The following PCLO variants were observed in gnomAD, a reference collection of about 807,000 sequenced individuals.
PCLO encodes the protein protein piccolo.
A neutral mutation model predicts 427.5 loss-of-function variants in PCLO; 82 were observed. The observed-to-expected ratio is 0.19, with a 90% CI of 0.16 to 0.23. The LOEUF is 0.23. Ranked by LOEUF, PCLO falls within the 10% of genes least tolerant of loss-of-function variation. The pLI, the probability that PCLO is intolerant of heterozygous loss-of-function variation, is 1.00. For missense variants in PCLO, 6,239 were observed against 6,115.9 expected, an observed-to-expected ratio of 1.02 and a Z score of -0.67; for synonymous variants, 2,357 against 2,155.4, an observed-to-expected ratio of 1.09 and a Z score of -2.59.
intron 9 of PCLO, among the ~76,000 whole-genome samples, chr7:82,893,819 GTTA>G (rs1368093569): frequency 6.6e-6 from 1 of 151,894 alleles, no homozygotes; most frequent in Non-Finnish European, 1.5e-5. Flanking sequence ...ATTTAGAATT[GTTA>G]TTATGTTCTC....
intron 3 of PCLO, among the ~76,000 whole-genome samples, chr7:83,075,927 G>A (rs1009576142): frequency 2.6e-5 from 4 of 151,950 alleles, no homozygotes; most frequent in African/African-American, 9.7e-5. Context: ...TGTAAGCAAA[G>A]AGTGTTAAAG....
rs116956712 is a variant in PCLO, at chr7:83,152,920, A to G, written c.1893+1828T>C. On this transcript the variant is annotated intron_variant, in intron 2 of 24. Coordinates refer to ENST00000333891, the MANE Select transcript of PCLO (RefSeq NM_033026.6). ...TATATCTCACCAAACATATAACAGA[A>G]TATCTTCCACATAGTAGGTATTCAA... is the stretch of plus-strand genomic sequence containing the variant. Among the ~76,000 whole-genome samples the G allele has an allele frequency of 7.6e-3, 1,150 of 152,296 alleles. 17 individuals are homozygous for G. The highest frequency in any genetic ancestry group is 7.4e-3 in the Non-Finnish European group (503 of 68,022).
intron 3 of PCLO, among the ~76,000 whole-genome samples, chr7:83,125,378 A>C (rs1022173366): frequency 1.7e-4 from 26 of 152,252 alleles, no homozygotes; most frequent in African/African-American, 5.5e-4. Flanking sequence ...CCACCACCCC[A>C]TCTGGGAGGT....
intron 22 of PCLO, among the ~76,000 whole-genome samples, chr7:82,787,276 A>G (rs1305089925): frequency 6.6e-6 from 1 of 151,826 alleles, no homozygotes; most frequent in Non-Finnish European, 1.5e-5. Context: ...AATGATAGCC[A>G]TTCTAACTGG....
chr7:83,129,759 T>G (rs536196670), intron 3 of PCLO, among the ~76,000 whole-genome samples: 1 of 152,184 alleles, frequency 6.6e-6, no homozygotes, highest in Non-Finnish European at 1.5e-5. Context: ...AATGTTACTT[T>G]GGGTGTTTAA....
At chr7:82,891,912 TA>T (rs2116124864) in intron 9 of PCLO, among the ~76,000 whole-genome samples, 1 of 152,090 alleles carries the variant, frequency 6.6e-6, no homozygotes, top group Non-Finnish European at 1.5e-5. Context: ...CTCAATGAAA[TA>T]AAAGAGGATA....
chr7:83,106,762 C>T (rs1286296309), intron 3 of PCLO, among the ~76,000 whole-genome samples: 1 of 151,984 alleles, frequency 6.6e-6, no homozygotes, highest in Admixed American at 6.6e-5. Flanking sequence ...TCAACATTCC[C>T]AGAAGTATGT....
intron 9 of PCLO, among the ~76,000 whole-genome samples, chr7:82,895,879 A>C (rs2116152770): frequency 6.6e-6 from 1 of 152,090 alleles, no homozygotes; most frequent in Admixed American, 6.6e-5. Context: ...TCTACCAAAT[A>C]TTCAAAAAAT....
chr7:82,858,559 A>G (rs1792867130), intron 10 of PCLO, among the ~76,000 whole-genome samples: 1 of 152,112 alleles, frequency 6.6e-6, no homozygotes, highest in African/African-American at 2.4e-5. Context: ...AACAGTCAAG[A>G]CTCCACCAAA....
intron 19 of PCLO, 74 bp from the exon 20 acceptor site, chr7:82,822,763 T>C (rs920970305): frequency 1.1e-5 from 14 of 1,249,428 alleles, no homozygotes; most frequent in Admixed American, 1.7e-5. Flanking sequence ...TTACACATAA[T>C]TTGAAACTGC....
rs571730778 is a variant in PCLO, at chr7:82,882,571, C to T, written c.13529-3109G>A. On this transcript the variant is annotated intron_variant, in intron 9 of 24. Transcript: ENST00000333891. Reference sequence around the variant, plus strand: ...AGAAAGTCATAAGTTATGGTAATTTCACAATACATAAGCATATCTGTGGTT... The same window carrying T: ...AGAAAGTCATAAGTTATGGTAATTTTACAATACATAAGCATATCTGTGGTT... Among the ~76,000 whole-genome samples, 6 of 152,154 alleles carry T rather than the reference C, an allele frequency of 3.9e-5. No individual in the cohort carries two copies. In the South Asian group the frequency reaches 1.2e-3, roughly 32 times the overall value.
rs114848941 is a variant in PCLO at position 83,143,248 on chromosome 7, C to T, written c.1894-7592G>A. Among the ~76,000 whole-genome samples the T allele has an allele frequency of 2.5e-3, 371 of 149,268 alleles. 2 individuals are homozygous for T. Among genetic ancestry groups the T allele is most frequent in the African/African-American group, 8.4e-3 (339 of 40,240 alleles). On this transcript the variant is annotated intron_variant, in intron 2 of 24. Coordinates refer to ENST00000333891, the MANE Select transcript of PCLO (RefSeq NM_033026.6). ...GACTACTCAAGCCACATGAGCTCCC[C>T]GACAGAGGCAGTTACTCCCCAACAG...
intron 1 of PCLO, among the ~76,000 whole-genome samples, chr7:83,159,456 C>A (rs1333613314): frequency 6.6e-6 from 1 of 151,862 alleles, no homozygotes; most frequent in African/African-American, 2.4e-5. Flanking sequence ...AATGAAATTG[C>A]ACTTCTCTGG....
intron 4 of PCLO, among the ~76,000 whole-genome samples, chr7:82,961,492 C>G (rs536873620): frequency 6.6e-6 from 1 of 152,150 alleles, no homozygotes; most frequent in Non-Finnish European, 1.5e-5. Flanking sequence ...GCCAACTAAG[C>G]CATTTAGACA....
In PCLO at chr7:83,158,020, T is replaced by C. The variant is rs541203467; in HGVS notation, c.249-1628A>G. 2.0e-5 allele frequency among the ~76,000 whole-genome samples: 3 copies of C among 152,160 alleles called. 1 individual carries two copies. The highest frequency in any genetic ancestry group is 4.1e-4 in the South Asian group (2 of 4,830). On this transcript the variant is annotated intron_variant, in intron 1 of 24. Coordinates refer to ENST00000333891, the MANE Select transcript of PCLO (RefSeq NM_033026.6). ...TGAGTACAGGTCAGGATGTAAGAGA[T>C]AGCAGAAAGACGCAAAGAAGCATTA... is the stretch of plus-strand genomic sequence containing the variant.
chr7:83,161,471 A>C (rs1289366134), intron 1 of PCLO, among the ~76,000 whole-genome samples: 2 of 152,226 alleles, frequency 1.3e-5, no homozygotes, highest in Non-Finnish European at 1.5e-5. Flanking sequence ...TCAGTACTCT[A>C]ATTAGAAAAC....
At chr7:82,835,234 G>A (rs1481479193) in intron 16 of PCLO, among the ~76,000 whole-genome samples, 3 of 151,990 alleles carry the variant, frequency 2.0e-5, no homozygotes, top group South Asian at 4.1e-4. Context: ...GTGAGCCACC[G>A]TGCCTGATGG....
At chr7:82,770,296 A>C (rs1790622701) in intron 22 of PCLO, among the ~76,000 whole-genome samples, 1 of 152,050 alleles carries the variant, frequency 6.6e-6, no homozygotes, top group African/African-American at 2.4e-5. Context: ...AATTCTAGAT[A>C]TTCATGGAGT....
chr7:83,019,062 T>C (rs1280772724), intron 3 of PCLO, among the ~76,000 whole-genome samples: 1 of 152,034 alleles, frequency 6.6e-6, no homozygotes, highest in Non-Finnish European at 1.5e-5. Flanking sequence ...AAAGAAAGTA[T>C]AATTTATTAT....
Sources: gnomAD v4.1 joint callset for allele counts (sites outside exome capture counted in the v4.1 genomes callset) on GRCh38, gnomAD v4.1.1 for gene constraint, MANE v1.5 for transcripts, NCBI Gene and HGNC (gene_info 2026-07-23, HGNC 2026-07-21) for gene names.